Variants in TPD52L1 observed in about 807,000 individuals in gnomAD.
TPD52L1 encodes the protein tumor protein D53.
TPD52L1 carries 18 observed loss-of-function variants against 28.7 expected under a neutral mutation model. That is an observed-to-expected ratio of 0.63 (90% CI 0.43 to 0.93). TPD52L1 has a LOEUF of 0.93. TPD52L1 is among the 40% of genes least tolerant of loss of function. TPD52L1 has a pLI of 0.00. For missense variants in TPD52L1, 203 were observed against 254.8 expected, an observed-to-expected ratio of 0.80 and a Z score of 1.39; for synonymous variants, 75 against 88.8, an observed-to-expected ratio of 0.84 and a Z score of 0.88.
chr6:125,223,988 C>A (rs1795428638), intron 2 of TPD52L1, among the ~76,000 whole-genome samples: 1 of 151,628 alleles, frequency 6.6e-6, no homozygotes, highest in South Asian at 2.1e-4. Flanking sequence ...AAGAATTAAT[C>A]TTTTGTTTCA....
intron 1 of TPD52L1, among the ~76,000 whole-genome samples, chr6:125,166,995 G>A (rs896974992): frequency 6.6e-6 from 1 of 152,114 alleles, no homozygotes; most frequent in African/African-American, 2.4e-5. Context: ...GGTGGCTCAT[G>A]CCTGTAATTC....
chr6:125,199,206 C>T (rs1562268239), intron 1 of TPD52L1, among the ~76,000 whole-genome samples: 1 of 152,070 alleles, frequency 6.6e-6, no homozygotes, highest in Non-Finnish European at 1.5e-5. Context: ...GTTTATTGGA[C>T]AATAGATTGA....
intron 1 of TPD52L1, among the ~76,000 whole-genome samples, chr6:125,156,813 A>G (rs985076251): frequency 3.9e-5 from 6 of 152,164 alleles, no homozygotes; most frequent in Non-Finnish European, 7.4e-5. Flanking sequence ...AAAACTTAAG[A>G]AAAGTCAAAA....
At chr6:125,181,274 G>T (rs1792177227) in intron 1 of TPD52L1, among the ~76,000 whole-genome samples, 2 of 152,080 alleles carry the variant, frequency 1.3e-5, no homozygotes, top group Non-Finnish European at 2.9e-5. Context: ...TGACTAAGAG[G>T]TCAGAACATA....
chr6:125,174,297 C>A lies in TPD52L1; in HGVS notation c.19+20327C>A, dbSNP rs149104484. On this transcript the variant is annotated intron_variant, in intron 1 of 6. Transcript: ENST00000534000. Reference sequence around the variant, plus strand: ...AGTCCTTTCCTTTGTGAGTTTACCACCCTATTTTCGTTATAGCAGTTAGGT... The same window carrying A: ...AGTCCTTTCCTTTGTGAGTTTACCAACCTATTTTCGTTATAGCAGTTAGGT... 2.2e-4 allele frequency among the ~76,000 whole-genome samples: 33 copies of A among 152,276 alleles called. 1 individual carries two copies. In the East Asian group the frequency reaches 5.6e-3, roughly 26 times the overall value.
At chr6:125,191,283 G>A (rs1212675678) in intron 1 of TPD52L1, among the ~76,000 whole-genome samples, 1 of 152,116 alleles carries the variant, frequency 6.6e-6, no homozygotes, top group Non-Finnish European at 1.5e-5. Context: ...AGAACAAATT[G>A]TCCTTTGGCA....
chr6:125,229,385 C>A, intron 3 of TPD52L1, 119 bp downstream of exon 3: 1 of 1,040,626 alleles, frequency 9.6e-7, no homozygotes, highest in Non-Finnish European at 1.3e-6. Context: ...AAAAAAAATA[C>A]TTTCTCTAAA....
intron 1 of TPD52L1, among the ~76,000 whole-genome samples, chr6:125,157,926 C>T (rs1308484368): frequency 6.6e-6 from 1 of 152,146 alleles, no homozygotes; most frequent in Admixed American, 6.5e-5. Flanking sequence ...GTGTCGGCAG[C>T]GCTGTCCTTC....
intron 1 of TPD52L1, among the ~76,000 whole-genome samples, chr6:125,180,433 T>A (rs1792107537): frequency 6.6e-6 from 1 of 152,136 alleles, no homozygotes; most frequent in South Asian, 2.1e-4. Flanking sequence ...AGTTTATAAC[T>A]TTTTAAAATT....
intron 3 of TPD52L1, among the ~76,000 whole-genome samples, chr6:125,247,643 A>G (rs1486879877): frequency 2.0e-5 from 3 of 152,212 alleles, no homozygotes; most frequent in Admixed American, 1.3e-4. Flanking sequence ...CCAGGGACAC[A>G]AAGATGAATG....
intron 1 of TPD52L1, among the ~76,000 whole-genome samples, chr6:125,194,734 A>G (rs1793301647): frequency 6.6e-6 from 1 of 152,218 alleles, no homozygotes; most frequent in Admixed American, 6.5e-5. Context: ...ACCTCTATGA[A>G]GATCTTTGGT....
chr6:125,213,946 TCAAA>T (rs1272331734), intron 1 of TPD52L1, among the ~76,000 whole-genome samples: 1 of 152,138 alleles, frequency 6.6e-6, no homozygotes, highest in Non-Finnish European at 1.5e-5. Flanking sequence ...GTTAAGGGCA[TCAAA>T]CAGTGTTGAA....
chr6:125,205,339 A>G (rs534716408), intron 1 of TPD52L1, among the ~76,000 whole-genome samples: 2 of 152,236 alleles, frequency 1.3e-5, no homozygotes, highest in Admixed American at 6.5e-5. Flanking sequence ...CATTTTCTGT[A>G]GTTAGCCCAG....
intron 1 of TPD52L1, among the ~76,000 whole-genome samples, chr6:125,201,876 A>G (rs115401694): frequency 6.6e-6 from 1 of 152,198 alleles, no homozygotes; most frequent in Non-Finnish European, 1.5e-5. Flanking sequence ...TGCTACTCAG[A>G]TTTCAGAAGG....
chr6:125,209,047 T>A, intron 1 of TPD52L1: 1 of 716,314 alleles, frequency 1.4e-6, no homozygotes. Flanking sequence ...TTTATTTATT[T>A]CCCATACACA....
Position 125,205,014 on chromosome 6 carries a change from G to A in TPD52L1, c.20-15064G>A, listed in dbSNP as rs543072117. Among the ~76,000 whole-genome samples the A allele has an allele frequency of 2.0e-4, 31 of 152,228 alleles. 1 individual carries two copies. In the South Asian group the frequency reaches 3.7e-3, roughly 18 times the overall value. ...AACTCTTTATTCTCCACAATGTTTA[G>A]CAAATAATCTTTTGCTGTTCATTTG... is the stretch of plus-strand genomic sequence containing the variant. On this transcript the variant is annotated intron_variant, in intron 1 of 6. Coordinates refer to ENST00000534000, the MANE Select transcript of TPD52L1 (RefSeq NM_003287.4).
intron 1 of TPD52L1, among the ~76,000 whole-genome samples, chr6:125,192,607 G>GT (rs1354609419): frequency 6.6e-6 from 1 of 152,142 alleles, no homozygotes; most frequent in African/African-American, 2.4e-5. Context: ...ACCAGCATCA[G>GT]TTTTTTGTTC....
chr6:125,179,661 T>C (rs1451399166), intron 1 of TPD52L1, among the ~76,000 whole-genome samples: 1 of 152,224 alleles, frequency 6.6e-6, no homozygotes, highest in Admixed American at 6.5e-5. Flanking sequence ...CTGTTGTATA[T>C]TCAGGTGTAA....
At position 125,178,209 on chromosome 6, in the gene TPD52L1, A is replaced by T. The variant is rs1791936173; in HGVS notation, c.19+24239A>T. 1.3e-5 allele frequency among the ~76,000 whole-genome samples: 2 copies of T among 152,224 alleles called. 1 individual carries two copies. Among genetic ancestry groups the T allele is most frequent in the Admixed American group, 1.3e-4 (2 of 15,276 alleles). On this transcript the variant is annotated intron_variant, in intron 1 of 6. Coordinates refer to ENST00000534000, the MANE Select transcript of TPD52L1 (RefSeq NM_003287.4). Reference sequence around the variant, plus strand: ...TCTTCATTCAATAATTATCTAAAATATACCTGTGTGCCAGGCAATACTCTA... The same window carrying T: ...TCTTCATTCAATAATTATCTAAAATTTACCTGTGTGCCAGGCAATACTCTA...
Sources: gnomAD v4.1 joint callset for allele counts (sites outside exome capture counted in the v4.1 genomes callset) on GRCh38, gnomAD v4.1.1 for gene constraint, MANE v1.5 for transcripts, NCBI Gene and HGNC (gene_info 2026-07-23, HGNC 2026-07-21) for gene names.